Variants in WDFY3 observed in about 807,000 individuals in gnomAD.
WDFY3 encodes WD repeat and FYVE domain containing 3, also known as WD repeat and FYVE domain-containing protein 3.
A neutral mutation model predicts 409.6 loss-of-function variants in WDFY3; 66 were observed. The ratio of observed to expected loss-of-function variants is 0.16; its 90% CI spans 0.13 to 0.20. The LOEUF (loss-of-function observed/expected upper bound fraction) is 0.20, where lower values mean the gene tolerates loss of function less well. Among genes scored for constraint, WDFY3 ranks in the 10% least tolerant of loss-of-function variants. The pLI is 1.00. For synonymous variants in WDFY3, 1,521 were observed against 1,537.1 expected, an observed-to-expected ratio of 0.99 and a Z score of 0.25; for missense variants, 3,031 against 4,298.1, an observed-to-expected ratio of 0.71 and a Z score of 8.24.
intron 1 of WDFY3, among the ~76,000 whole-genome samples, chr4:84,937,582 T>C (rs1362609374): frequency 2.0e-5 from 3 of 152,166 alleles, no homozygotes; most frequent in African/African-American, 7.2e-5. Context: ...TTGTCCTATT[T>C]TCAAGTCCTT....
chr4:84,677,028 A>G (rs1001666899), intron 67 of WDFY3, among the ~76,000 whole-genome samples, 171 bp downstream of exon 67: 1 of 152,168 alleles, frequency 6.6e-6, no homozygotes, highest in Non-Finnish European at 1.5e-5. Flanking sequence ...ATGACAGAAA[A>G]ATTTCCTAAT....
rs1282698349 is a variant in WDFY3 at position 84,801,776 on chromosome 4, C to T, written c.2696G>A (p.Gly899Asp). 3 of 1,614,126 alleles carry T rather than the reference C, an allele frequency of 1.9e-6. No individual in the cohort carries two copies. The highest frequency in any genetic ancestry group is 2.5e-6 in the Non-Finnish European group (3 of 1,180,028). ...ERNQQVMCEAGLHARLLQRCS... is the reference protein window; with the variant it reads ...ERNQQVMCEADLHARLLQRCS... ...CCTCTGCAGCAGTCGTGCATGAAGA[C>T]CAGCTTCACACATGACTTGCTGGTT... The change falls in exon 17 of 68, where the codon GGT becomes GAT. Residue 899 changes from glycine (G) to aspartate (D), a missense_variant. This residue lies in a region of WDFY3 where 1,322 missense variants were observed against 1,697.9 expected (regional missense o/e 0.78). Transcript: ENST00000295888.
chr4:84,895,170 TA>T (rs1359208668), intron 3 of WDFY3, among the ~76,000 whole-genome samples: 2 of 152,200 alleles, frequency 1.3e-5, no homozygotes, highest in Admixed American at 1.3e-4. Flanking sequence ...CTTATTCATT[TA>T]ATAACACTTG....
At chr4:84,812,112 A>G (rs1179151885) in intron 13 of WDFY3, among the ~76,000 whole-genome samples, 2 of 152,186 alleles carry the variant, frequency 1.3e-5, no homozygotes, top group African/African-American at 4.8e-5. Context: ...AGAAGTTATG[A>G]AGATTTCATT....
At chr4:84,859,251 G>A (rs1419377214) in intron 4 of WDFY3, among the ~76,000 whole-genome samples, 1 of 152,156 alleles carries the variant, frequency 6.6e-6, no homozygotes, top group African/African-American at 2.4e-5. Context: ...ACTGTCAGTA[G>A]AGAGCAAACA....
intron 21 of WDFY3, among the ~76,000 whole-genome samples, chr4:84,791,002 T>C (rs192531366): frequency 7.9e-5 from 12 of 151,732 alleles, no homozygotes; most frequent in Non-Finnish European, 1.5e-4. Context: ...CCTTGCGCAC[T>C]GTTGGTGGGA....
At chr4:84,755,142 T>C (rs778933575) in intron 34 of WDFY3, 124 bp downstream of exon 34, 7 of 1,380,690 alleles carry the variant, frequency 5.1e-6, no homozygotes, top group Non-Finnish European at 6.9e-6. Context: ...AACATAAGAG[T>C]CTGAAGTTCC....
rs774076458 is a variant in WDFY3, at chr4:84,801,721, G to T, written c.2751C>A (p.His917Gln). 2 of 1,613,112 alleles carry T rather than the reference G, an allele frequency of 1.2e-6. No individual in the cohort carries two copies. The highest frequency in any genetic ancestry group is 1.7e-6 in the Non-Finnish European group (2 of 1,179,898). Residue 917 changes from histidine to glutamine, a missense_variant, in exon 17 of 68, where the codon CAC (histidine) becomes CAA (glutamine). Transcript: ENST00000295888. The stretch of plus-strand genomic sequence containing the variant: ...TCCGCTGCAGGGGCGGGTGCAGTGA[G>T]TGGTCCTCATCAGCCAATGCAGCAC... ...RCSAALADED[H>Q]SLHPPLQRMF...
chr4:84,747,696 T>A (rs896662127), intron 36 of WDFY3, among the ~76,000 whole-genome samples: 2 of 152,000 alleles, frequency 1.3e-5, no homozygotes, highest in Non-Finnish European at 2.9e-5. Context: ...TGATAGTGAG[T>A]GAGTTCTCAT....
At chr4:84,703,397 G>A (rs1415385272) in intron 55 of WDFY3, among the ~76,000 whole-genome samples, 1 of 152,160 alleles carries the variant, frequency 6.6e-6, no homozygotes, top group Admixed American at 6.5e-5. Context: ...ATGCTGCTGT[G>A]TTTTAAGTTA....
intron 19 of WDFY3, among the ~76,000 whole-genome samples, chr4:84,795,913 T>C (rs1200498894): frequency 2.6e-5 from 4 of 152,208 alleles, no homozygotes; most frequent in Non-Finnish European, 5.9e-5. Flanking sequence ...TAATCTTTTC[T>C]GCCACTTGAA....
At chr4:84,773,147 A>G (rs1261317605) in intron 29 of WDFY3, among the ~76,000 whole-genome samples, 1 of 151,968 alleles carries the variant, frequency 6.6e-6, no homozygotes. Flanking sequence ...CCTTCACAGC[A>G]TACCACCAGC....
intron 56 of WDFY3, among the ~76,000 whole-genome samples, chr4:84,701,100 ACT>A (rs1301118744): frequency 3.3e-5 from 5 of 152,224 alleles, no homozygotes; most frequent in African/African-American, 9.6e-5. Context: ...ACAGTGCAAG[ACT>A]CTGTCTCAAT....
At chr4:84,915,677 A>G (rs1027350112) in intron 2 of WDFY3, among the ~76,000 whole-genome samples, 1 of 152,194 alleles carries the variant, frequency 6.6e-6, no homozygotes, top group Non-Finnish European at 1.5e-5. Context: ...CACATCTAGA[A>G]TTCTCTCTTT....
In WDFY3 at chr4:84,963,253, G is replaced by A. The variant is rs575929903; in HGVS notation, c.-226+2956C>T. 5.1e-4 allele frequency among the ~76,000 whole-genome samples: 78 copies of A among 151,558 alleles called. 1 individual carries two copies. Among genetic ancestry groups the A allele is most frequent in the African/African-American group, 1.8e-3 (73 of 41,344 alleles). On this transcript the variant is annotated intron_variant, in intron 1 of 67. Coordinates refer to ENST00000295888, the MANE Select transcript of WDFY3 (RefSeq NM_014991.6). ...AGCTTGGCCAACAGGGTAAAACCCC[G>A]TCTCCACTAAAAATACAAAAATTAG...
At chr4:84,702,059 C>T (rs751350055) in intron 56 of WDFY3, among the ~76,000 whole-genome samples, 1 of 152,146 alleles carries the variant, frequency 6.6e-6, no homozygotes, top group South Asian at 2.1e-4. Context: ...CCCAGGCTGG[C>T]GTGCAGTTCA....
At chr4:84,749,735 A>G (rs1457383960) in intron 36 of WDFY3, among the ~76,000 whole-genome samples, 1 of 152,152 alleles carries the variant, frequency 6.6e-6, no homozygotes, top group Non-Finnish European at 1.5e-5. Context: ...AACACATGAA[A>G]GTTGTTCTCT....
intron 1 of WDFY3, among the ~76,000 whole-genome samples, chr4:84,936,220 G>C (rs1171155336): frequency 6.6e-6 from 1 of 151,922 alleles, no homozygotes; most frequent in African/African-American, 2.4e-5. Context: ...AATTGTGCTG[G>C]GTCTTATCAT....
chr4:84,769,959 A>G (rs1744368272), intron 30 of WDFY3, among the ~76,000 whole-genome samples: 1 of 152,132 alleles, frequency 6.6e-6, no homozygotes, highest in South Asian at 2.1e-4. Context: ...ACCAGAAAAA[A>G]TTACAATTTG....
Sources: allele counts gnomAD v4.1 joint callset (sites outside exome capture counted in the v4.1 genomes callset), GRCh38; gene constraint gnomAD v4.1.1; regional missense constraint gnomAD v4.1.1; transcripts MANE v1.5; gene names NCBI Gene and HGNC (gene_info 2026-07-23, HGNC 2026-07-21).